ULK4: variants seen among roughly 807,000 people sequenced by gnomAD.
ULK4 encodes unc-51 like kinase 4.
ULK4 carries 133 observed loss-of-function variants against 160.6 expected under a neutral mutation model. The ratio of observed to expected loss-of-function variants is 0.83; its 90% confidence interval spans 0.72 to 0.96. The LOEUF is 0.96. Ranked by LOEUF, ULK4 falls within the 40% of genes least tolerant of loss-of-function variation. The pLI is 0.00. For synonymous variants in ULK4, 534 were observed against 539.8 expected, an observed-to-expected ratio of 0.99 and a Z score of 0.15; for missense variants, 1,580 against 1,499.5, an observed-to-expected ratio of 1.05 and a Z score of -0.89.
intron 22 of ULK4, among the ~76,000 whole-genome samples, chr3:41,743,397 GA>G (rs2038306570): frequency 6.6e-6 from 1 of 151,232 alleles, no homozygotes; most frequent in African/African-American, 2.4e-5. Context: ...GGAGGAATAA[GA>G]TTTCTCAAAG....
chr3:41,704,952 T>C (rs1015369790), intron 27 of ULK4, 105 bp downstream of exon 27: 3 of 781,046 alleles, frequency 3.8e-6, no homozygotes, highest in Middle Eastern at 3.8e-4. Flanking sequence ...GGTTATTTCA[T>C]GTGAGGAACA....
chr3:41,783,312 C>T (rs1182168556), intron 21 of ULK4, among the ~76,000 whole-genome samples: 1 of 151,596 alleles, frequency 6.6e-6, no homozygotes, highest in Admixed American at 6.6e-5. Context: ...TGGGGAGGGC[C>T]GACTGCTTGA....
intron 35 of ULK4, among the ~76,000 whole-genome samples, chr3:41,300,837 TTATATATATATATATATATATATA>T (rs66602936): frequency 0.017 from 980 of 57,896 alleles, 56 homozygotes; most frequent in Middle Eastern, 0.075. Context: ...ATTTTACAGA[TTATATATATATATATATATATATA>T]TATATATATA....
chr3:41,331,033 A>C (rs771555385), intron 35 of ULK4, among the ~76,000 whole-genome samples: 26 of 152,220 alleles, frequency 1.7e-4, no homozygotes, highest in Non-Finnish European at 3.4e-4. Flanking sequence ...CTTCAAGGCC[A>C]CTGCTCTTGG....
At chr3:41,362,737 G>A (rs866656972) in intron 35 of ULK4, among the ~76,000 whole-genome samples, 1 of 152,210 alleles carries the variant, frequency 6.6e-6, no homozygotes, top group Non-Finnish European at 1.5e-5. Context: ...TCATTATTAA[G>A]ACAAAGGTCA....
intron 25 of ULK4, among the ~76,000 whole-genome samples, chr3:41,712,060 T>C (rs2037113771): frequency 6.6e-6 from 1 of 152,228 alleles, no homozygotes; most frequent in Admixed American, 6.5e-5. Context: ...GCTGAATTGT[T>C]TCCAAATGCT....
At chr3:41,339,716 G>A (rs752096947) in intron 35 of ULK4, among the ~76,000 whole-genome samples, 14 of 152,154 alleles carry the variant, frequency 9.2e-5, no homozygotes, top group Non-Finnish European at 1.6e-4. Flanking sequence ...GTAAAGGTGG[G>A]AATTATATTT....
chr3:41,739,787 G>C (rs973760185), intron 22 of ULK4, among the ~76,000 whole-genome samples: 4 of 151,806 alleles, frequency 2.6e-5, no homozygotes, highest in East Asian at 1.9e-4. Context: ...GTGTACCAGG[G>C]AGCAAAGTGG....
chr3:41,383,138 A>C (rs2081710221), intron 35 of ULK4, among the ~76,000 whole-genome samples: 1 of 148,894 alleles, frequency 6.7e-6, no homozygotes, highest in African/African-American at 2.5e-5. Context: ...CACTGTTGTC[A>C]CCCAGGCTGG....
chr3:41,290,951 C>T (rs1397479159), intron 35 of ULK4, among the ~76,000 whole-genome samples: 1 of 152,238 alleles, frequency 6.6e-6, no homozygotes, highest in Non-Finnish European at 1.5e-5. Flanking sequence ...GGAGACAACA[C>T]AGGCAGTTGC....
intron 35 of ULK4, among the ~76,000 whole-genome samples, chr3:41,284,114 G>A (rs1190106782): frequency 6.6e-6 from 1 of 152,060 alleles, no homozygotes; most frequent in Non-Finnish European, 1.5e-5. Flanking sequence ...GCTCACGGAT[G>A]GTGAGAATCC....
intron 36 of ULK4, among the ~76,000 whole-genome samples, chr3:41,247,650 G>A (rs2078669161): frequency 6.6e-6 from 1 of 152,182 alleles, no homozygotes; most frequent in Admixed American, 6.5e-5. Flanking sequence ...GTGGCAGTGG[G>A]ATGGGGCCAT....
intron 17 of ULK4, among the ~76,000 whole-genome samples, chr3:41,847,725 C>G (rs2042104688): frequency 6.6e-6 from 1 of 152,092 alleles, no homozygotes; most frequent in Non-Finnish European, 1.5e-5. Context: ...TCATAATCCC[C>G]ACTCCTTTTT....
At chr3:41,697,205 A>C (rs948087281) in intron 27 of ULK4, among the ~76,000 whole-genome samples, 1 of 152,180 alleles carries the variant, frequency 6.6e-6, no homozygotes, top group Non-Finnish European at 1.5e-5. Flanking sequence ...AACTTTAAAT[A>C]TATATATACA....
chr3:41,622,281 C>G (rs950847207), intron 30 of ULK4, among the ~76,000 whole-genome samples: 3 of 152,130 alleles, frequency 2.0e-5, no homozygotes, highest in African/African-American at 7.2e-5. Context: ...TATCATTCTG[C>G]TATAAAGACA....
intron 31 of ULK4, among the ~76,000 whole-genome samples, chr3:41,592,220 T>C (rs1200532020): frequency 6.6e-6 from 1 of 151,992 alleles, no homozygotes; most frequent in Non-Finnish European, 1.5e-5. Flanking sequence ...TCACAGAAGA[T>C]TCTGACTTTT....
At chr3:41,935,160 G>A (rs1460103371) in intron 4 of ULK4, among the ~76,000 whole-genome samples, 2 of 149,462 alleles carry the variant, frequency 1.3e-5, no homozygotes, top group Non-Finnish European at 3.0e-5. Flanking sequence ...GGAATTACAG[G>A]CGCTCACCAC....
chr3:41,485,464 T>C (rs2084492038), intron 32 of ULK4, among the ~76,000 whole-genome samples: 1 of 152,220 alleles, frequency 6.6e-6, no homozygotes, highest in Non-Finnish European at 1.5e-5. Flanking sequence ...AAAATTGTTA[T>C]GGCAGCAAGA....
chr3:41,305,415 T>A (rs1012163823), intron 35 of ULK4, among the ~76,000 whole-genome samples: 1 of 152,132 alleles, frequency 6.6e-6, no homozygotes, highest in Non-Finnish European at 1.5e-5. Flanking sequence ...GGAGACGGGG[T>A]TTCGCTGTGT....
Sources: gnomAD v4.1 joint callset for allele counts (sites outside exome capture counted in the v4.1 genomes callset) on GRCh38, gnomAD v4.1.1 for gene constraint, MANE v1.5 for transcripts, NCBI Gene and HGNC (gene_info 2026-07-23, HGNC 2026-07-21) for gene names.